DLG2: variants seen among roughly 807,000 people sequenced by gnomAD.
DLG2 encodes the protein disks large homolog 2.
A neutral mutation model predicts 132.5 loss-of-function variants in DLG2; 45 were observed. The ratio of observed to expected loss-of-function variants is 0.34; its 90% CI spans 0.27 to 0.44. DLG2 has a LOEUF of 0.44. DLG2 is among the 20% of genes least tolerant of loss of function. The probability of loss-of-function intolerance (pLI) is 1.00; values close to 1 mark genes in which losing one functional copy is unlikely to be tolerated. For synonymous variants in DLG2, 424 were observed against 419.6 expected, an observed-to-expected ratio of 1.01 and a Z score of -0.13; for missense variants, 1,045 against 1,196.9, an observed-to-expected ratio of 0.87 and a Z score of 1.87.
intron 4 of DLG2, among the ~76,000 whole-genome samples, chr11:85,238,450 G>T (rs988993813): frequency 2.6e-5 from 4 of 151,728 alleles, no homozygotes; most frequent in Non-Finnish European, 5.9e-5. Context: ...CACCATGTTA[G>T]CCAGGCTGTT....
chr11:84,041,051 T>TG (rs1316381605), intron 11 of DLG2, among the ~76,000 whole-genome samples: 1 of 151,806 alleles, frequency 6.6e-6, no homozygotes, highest in Non-Finnish European at 1.5e-5. Context: ...AGAATGCTTG[T>TG]GATTTTTGTA....
At chr11:84,516,947 C>T (rs1386947455) in intron 7 of DLG2, among the ~76,000 whole-genome samples, 1 of 141,084 alleles carries the variant, frequency 7.1e-6, no homozygotes, top group African/African-American at 2.6e-5. Context: ...TAGAAGAAAA[C>T]CTAGGGGAAA....
At chr11:83,909,015 A>C (rs756883096) in intron 15 of DLG2, among the ~76,000 whole-genome samples, 7 of 152,172 alleles carry the variant, frequency 4.6e-5, no homozygotes, top group Non-Finnish European at 1.0e-4. Context: ...CACAGGCATG[A>C]GCTATCATGA....
At chr11:84,704,181 G>A (rs954840160) in intron 6 of DLG2, among the ~76,000 whole-genome samples, 1 of 151,200 alleles carries the variant, frequency 6.6e-6, no homozygotes, top group Admixed American at 6.6e-5. Flanking sequence ...CTAATAAATG[G>A]TAGGAGTTTT....
At chr11:85,389,499 G>A (rs553312844) in intron 3 of DLG2, among the ~76,000 whole-genome samples, 23 of 152,186 alleles carry the variant, frequency 1.5e-4, no homozygotes, top group African/African-American at 5.5e-4. Context: ...AATACAAGAA[G>A]CTCAAAGAAC....
intron 7 of DLG2, among the ~76,000 whole-genome samples, chr11:84,434,414 G>A (rs2098994378): frequency 6.6e-6 from 1 of 152,062 alleles, no homozygotes; most frequent in Non-Finnish European, 1.5e-5. Context: ...ATGAGTGGAA[G>A]GAAGAAGGCG....
chr11:83,911,471 T>C (rs2076035050), intron 15 of DLG2, among the ~76,000 whole-genome samples: 1 of 152,120 alleles, frequency 6.6e-6, no homozygotes, highest in Admixed American at 6.6e-5. Context: ...AGGTTTTTTT[T>C]TCTTTCATTA....
intron 6 of DLG2, among the ~76,000 whole-genome samples, chr11:84,805,015 A>G (rs75271750): frequency 0.024 from 3,650 of 152,248 alleles, 124 homozygotes; most frequent in African/African-American, 0.081. Context: ...TGGTATCAGA[A>G]GAGGCCTTCT....
At chr11:84,726,872 CAT>C (rs2062535918) in intron 6 of DLG2, among the ~76,000 whole-genome samples, 1 of 152,138 alleles carries the variant, frequency 6.6e-6, no homozygotes, top group Admixed American at 6.5e-5. Flanking sequence ...GAGCATTTTT[CAT>C]ATGTCTGTTG....
chr11:83,732,972 C>T (rs560489114), intron 18 of DLG2, among the ~76,000 whole-genome samples: 20 of 152,158 alleles, frequency 1.3e-4, no homozygotes, highest in South Asian at 6.2e-4. Context: ...CTGGGCGCGA[C>T]GGCTCACGCC....
intron 7 of DLG2, among the ~76,000 whole-genome samples, chr11:84,457,240 A>C (rs1206981455): frequency 6.6e-6 from 1 of 151,178 alleles, no homozygotes; most frequent in East Asian, 1.9e-4. Flanking sequence ...TACTATCTCC[A>C]TATGCAAGGA....
intron 7 of DLG2, among the ~76,000 whole-genome samples, chr11:84,423,010 A>G (rs996860047): frequency 1.2e-4 from 18 of 152,154 alleles, no homozygotes; most frequent in Non-Finnish European, 2.2e-4. Context: ...AGTATTTCTG[A>G]AACATTCTCA....
intron 7 of DLG2, among the ~76,000 whole-genome samples, chr11:84,280,194 C>A (rs1336068496): frequency 6.6e-6 from 1 of 151,950 alleles, no homozygotes; most frequent in Non-Finnish European, 1.5e-5. Context: ...GATTAATATC[C>A]AAAGATCAAT....
intron 3 of DLG2, among the ~76,000 whole-genome samples, chr11:85,479,073 A>G (rs78521970): frequency 0.024 from 3,636 of 152,338 alleles, 141 homozygotes; most frequent in African/African-American, 0.082. Context: ...ACCATCATTT[A>G]AAAGAAAACA....
chr11:83,695,529 C>T (rs527411934), intron 18 of DLG2, among the ~76,000 whole-genome samples: 9 of 152,114 alleles, frequency 5.9e-5, no homozygotes, highest in Admixed American at 1.3e-4. Flanking sequence ...GATCACCTGA[C>T]GTCAGGAGCT....
chr11:83,633,950 AAGC>A (rs1388980515), intron 18 of DLG2, among the ~76,000 whole-genome samples: 1 of 151,120 alleles, frequency 6.6e-6, no homozygotes, highest in African/African-American at 2.5e-5. Context: ...AAAAAGCAAA[AAGC>A]AAAAAACAAA....
At chr11:85,283,112 G>T (rs1471341707) in intron 4 of DLG2, among the ~76,000 whole-genome samples, 3 of 151,878 alleles carry the variant, frequency 2.0e-5, no homozygotes, top group Non-Finnish European at 4.4e-5. Flanking sequence ...AGAGGGAAAG[G>T]ATCAGAAAAA....
rs145889199 is a variant in DLG2, at chr11:84,102,063, A to G, written c.625-3016T>C. Among the ~76,000 whole-genome samples the G allele has an allele frequency of 9.2e-5, 14 of 152,242 alleles. No individual in the cohort carries two copies. In the East Asian group the frequency reaches 2.7e-3, roughly 29 times the overall value. On this transcript the variant is annotated intron_variant, in intron 9 of 27. Coordinates refer to ENST00000376104, the MANE Select transcript of DLG2 (RefSeq NM_001142699.3). ...CTGTTTTCTCTACCAGAAACTTCAC[A>G]TCGCCTTCTTGACTATTTCAATTCT... is the stretch of plus-strand genomic sequence containing the variant.
At chr11:83,526,787 T>A (rs893509552) in intron 21 of DLG2, among the ~76,000 whole-genome samples, 1 of 152,152 alleles carries the variant, frequency 6.6e-6, no homozygotes, top group Non-Finnish European at 1.5e-5. Context: ...ATTCTGTATC[T>A]TACTCCTAAC....
Sources: gnomAD v4.1 joint callset for allele counts (sites outside exome capture counted in the v4.1 genomes callset) on GRCh38, gnomAD v4.1.1 for gene constraint, MANE v1.5 for transcripts, NCBI Gene and HGNC (gene_info 2026-07-23, HGNC 2026-07-21) for gene names.